The following SLC5A6 variants were observed in gnomAD, a reference collection of about 807,000 sequenced individuals.
SLC5A6 encodes the protein sodium-dependent multivitamin transporter.
In SLC5A6, 31 loss-of-function variants were observed where a neutral mutation model predicts 67.9. The observed-to-expected ratio is 0.46, with a 90% CI of 0.34 to 0.62. The LOEUF (loss-of-function observed/expected upper bound fraction) is 0.62. Among genes scored for constraint, SLC5A6 ranks in the 20% least tolerant of loss-of-function variants. SLC5A6 has a pLI of 0.01. For missense variants in SLC5A6, 673 were observed against 812.8 expected (o/e 0.83, Z 2.09); for synonymous variants, 343 against 331.0 (o/e 1.04, Z -0.39).
intron 16 of SLC5A6, 38 bp downstream of exon 16, chr2:27,200,959 AG>A (rs771535567): frequency 3.3e-5 from 44 of 1,325,404 alleles, no homozygotes; most frequent in Non-Finnish European, 4.4e-5. Flanking sequence ...GCATCTGTGG[AG>A]AAGGGCAGGG....
Position 27,203,754 on chromosome 2 carries a change from T to C in SLC5A6, c.1094+25A>G, listed in dbSNP as rs1017534307. On this transcript the variant is annotated intron_variant, in intron 10 of 16. Transcript: ENST00000310574. ...AAATAGGGGTCAGGTGCACCAGGCCTGAGGGAAATCGTTAAAGTGGGTACC... is the reference window on the plus strand; with the variant it reads ...AAATAGGGGTCAGGTGCACCAGGCCCGAGGGAAATCGTTAAAGTGGGTACC... 7.6e-6 allele frequency: 12 copies of C among 1,576,158 alleles called. No homozygotes were observed. The African/African-American group carries it at 1.1e-4, about 14-fold the overall frequency.
rs976980556 is a variant in SLC5A6 at position 27,207,791 on chromosome 2, C to G, written c.-140-1G>C. On this transcript the variant is annotated splice_acceptor_variant, in intron 2 of 16. Coordinates refer to ENST00000310574, the MANE Select transcript of SLC5A6 (RefSeq NM_021095.4). LOFTEE classifies it low-confidence loss of function (5UTR_SPLICE). The surrounding 1 kb of genome is among the most constrained non-coding windows in gnomAD (Gnocchi z 5.5). ...ACGGAGTGATACTGTCCAGGGTGAG[C>G]TGCAAAGGAATTAGCTCTTAGTGAG... 3.8e-6 allele frequency: 3 copies of G among 779,250 alleles called. No homozygotes were observed. The highest frequency in any genetic ancestry group is 6.1e-6 in the Non-Finnish European group (3 of 494,572). The allele number at this position is 779,250 out of a possible 1,614,324, so 48.3% of individuals were successfully genotyped here. A position where few individuals can be genotyped will look rare whatever the true frequency, so the allele number is the denominator to read the frequency against.
intron 5 of SLC5A6, 72 bp from the exon 6 acceptor site, chr2:27,206,165 C>G: frequency 8.3e-7 from 1 of 1,210,838 alleles, no homozygotes; most frequent in Non-Finnish European, 1.2e-6. Flanking sequence ...GTAGGGCAAT[C>G]ACGTCATGCC....
Position 27,201,853 on chromosome 2 carries a change from G to T in SLC5A6, c.1363-6C>A. 1.2e-6 allele frequency: 2 copies of T among 1,613,792 alleles called. No individual in the cohort carries two copies. Among genetic ancestry groups the T allele is most frequent in the Non-Finnish European group, 1.7e-6 (2 of 1,179,772 alleles). ...AACAGGCCCACAACAGCACCCTGCCGAGACACAGTGCAGGCCTGTCACAAG... is the reference window on the plus strand; with the variant it reads ...AACAGGCCCACAACAGCACCCTGCCTAGACACAGTGCAGGCCTGTCACAAG... On this transcript the variant is annotated splice_polypyrimidine_tract_variant and splice_region_variant and intron_variant, in intron 13 of 16. Coordinates refer to ENST00000310574, the MANE Select transcript of SLC5A6 (RefSeq NM_021095.4).
chr2:27,201,618 T>A, intron 14 of SLC5A6, 48 bp downstream of exon 14: 1 of 1,585,436 alleles, frequency 6.3e-7, no homozygotes, highest in South Asian at 1.1e-5. Context: ...GTGAAAGCCC[T>A]CAAAGGAGGG....
Position 27,211,511 on chromosome 2 carries a change from G to C in SLC5A6, c.-185C>G, listed in dbSNP as rs1674500917. On this transcript the variant is annotated 5_prime_UTR_variant, in exon 2 of 17. An upstream open reading frame in the 5' UTR gains an earlier in-frame stop. Transcript: ENST00000310574. ...CTAGGAAGGTCCCTTTGTGCTTCCT[G>C]AGATCAACATCGCTCCCTTTTCCTG... is the stretch of plus-strand genomic sequence containing the variant. The C allele has an allele frequency of 1.3e-5, 2 of 152,460 alleles. No individual in the cohort carries two copies. Among genetic ancestry groups the C allele is most frequent in the Non-Finnish European group, 2.9e-5 (2 of 68,098 alleles). 9.4% of individuals were successfully genotyped at this position (152,460 alleles called of 1,614,324 possible). A position where few individuals can be genotyped will look rare whatever the true frequency, so the allele number is the denominator to read the frequency against.
chr2:27,205,184 G>A (rs758313249), intron 7 of SLC5A6, 166 bp downstream of exon 7: 1 of 742,400 alleles, frequency 1.3e-6, no homozygotes, highest in South Asian at 1.9e-5. Context: ...CACTAGCCGG[G>A]CACCTGTAAT....
At chr2:27,203,988 G>T in intron 9 of SLC5A6, 121 bp from the exon 10 acceptor site, 1 of 689,020 alleles carries the variant, frequency 1.5e-6, no homozygotes, top group Non-Finnish European at 2.5e-6. Flanking sequence ...TGCATTACAA[G>T]GGAAGCCAGG....
intron 2 of SLC5A6, among the ~76,000 whole-genome samples, chr2:27,210,331 T>C (rs1674377694): frequency 6.6e-6 from 1 of 152,166 alleles, no homozygotes; most frequent in African/African-American, 2.4e-5. Context: ...AACGCTATGG[T>C]CTCGCATCTC....
In SLC5A6 at chr2:27,200,370, T is replaced by A. The variant is rs1415794282; in HGVS notation, c.*66A>T. On this transcript the variant is annotated 3_prime_UTR_variant, in exon 17 of 17. Transcript: ENST00000310574. ...CAGAACACACCAAGACTCATCCCTG[T>A]ACTACAGGGTGGCCTCTGGCTATGG... The A allele has an allele frequency of 6.6e-7, 1 of 1,515,352 alleles. No homozygotes were observed. Among genetic ancestry groups the A allele is most frequent in the Non-Finnish European group, 9.0e-7 (1 of 1,116,298 alleles). The allele number at this position is 1,515,352 out of a possible 1,614,324, so 93.9% of individuals were successfully genotyped here.
At chr2:27,206,639 G>T in intron 4 of SLC5A6, 105 bp from the exon 5 acceptor site, 2 of 1,102,232 alleles carry the variant, frequency 1.8e-6, no homozygotes, top group Non-Finnish European at 2.8e-6. Context: ...CCCTCACCTA[G>T]GCTCACTTCC....
chr2:27,210,955 C>G (rs1389695384), intron 2 of SLC5A6, among the ~76,000 whole-genome samples: 1 of 152,106 alleles, frequency 6.6e-6, no homozygotes, highest in Admixed American at 6.5e-5. Context: ...ACCCGCGAGG[C>G]GGAGCTTGCA....
At chr2:27,212,660 C>A (rs1248037102), upstream of SLC5A6, 126 of 1,387,962 alleles carry the variant, frequency 9.1e-5, no homozygotes, top group Non-Finnish European at 1.1e-4. Flanking sequence ...CCAGTCCTGC[C>A]GACTTTCAAA....
chr2:27,205,853 C>T (rs935649543), intron 6 of SLC5A6, among the ~76,000 whole-genome samples, 173 bp downstream of exon 6: 7 of 152,220 alleles, frequency 4.6e-5, no homozygotes, highest in Admixed American at 4.6e-4. Context: ...ATCCCATCCT[C>T]TACCTTCATA....
intron 2 of SLC5A6, among the ~76,000 whole-genome samples, chr2:27,209,549 G>C (rs1017190423): frequency 6.6e-6 from 1 of 152,214 alleles, no homozygotes; most frequent in Non-Finnish European, 1.5e-5. Context: ...AAACAGTGCT[G>C]TCTGCAGCTA....
At chr2:27,206,817 T>A in intron 4 of SLC5A6, 60 bp downstream of exon 4, 2 of 1,274,396 alleles carry the variant, frequency 1.6e-6, no homozygotes, top group Non-Finnish European at 1.1e-6. Flanking sequence ...TCCCTCAGCA[T>A]GCTTGCGTTC....
intron 11 of SLC5A6, 118 bp from the exon 12 acceptor site, chr2:27,202,998 A>G (rs1264513637): frequency 1.6e-5 from 24 of 1,543,764 alleles, no homozygotes; most frequent in Non-Finnish European, 1.8e-5. Context: ...AACAAAAGGC[A>G]TATTACATCA....
chr2:27,203,449 C>A, intron 10 of SLC5A6, 104 bp from the exon 11 acceptor site: 1 of 977,828 alleles, frequency 1.0e-6, no homozygotes, highest in South Asian at 1.6e-5. Context: ...TGACAGGTAC[C>A]ACCAAGAAAC....
In SLC5A6 at chr2:27,206,939, G is replaced by T; in HGVS notation, c.397C>A (p.Leu133Met). The change falls in exon 4 of 17, where the codon CTG (leucine) becomes ATG (methionine). Residue 133 changes from leucine to methionine, a missense_variant. By Grantham distance (15) the Leu-to-Met change is conservative. Coordinates refer to ENST00000310574, the MANE Select transcript of SLC5A6 (RefSeq NM_021095.4). Reference protein sequence around the residue: ...RLHLTSAYEYLELRFNKTVRV... With the variant: ...RLHLTSAYEYMELRFNKTVRV... Reference sequence around the variant, plus strand: ...ACAGTTTTATTGAATCGAAGCTCCAGGTACTGGGTATACAGAAAAAAAGAT... The same window carrying T: ...ACAGTTTTATTGAATCGAAGCTCCATGTACTGGGTATACAGAAAAAAAGAT... 6.2e-7 allele frequency: 1 copy of T among 1,612,658 alleles called. No homozygotes were observed. The highest frequency in any genetic ancestry group is 8.5e-7 in the Non-Finnish European group (1 of 1,178,736).
Sources: allele counts gnomAD v4.1 joint callset (sites outside exome capture counted in the v4.1 genomes callset), GRCh38; gene constraint gnomAD v4.1.1; non-coding constraint Gnocchi (gnomAD v3.1); transcripts MANE v1.5; gene names NCBI Gene and HGNC (gene_info 2026-07-23, HGNC 2026-07-21).